Variants in CCNJL observed in about 807,000 individuals in gnomAD.
CCNJL encodes cyclin J like.
A neutral mutation model predicts 33.4 loss-of-function variants in CCNJL; 33 were observed. That is an observed-to-expected ratio of 0.99 (90% CI 0.75 to 1.32). CCNJL has a LOEUF of 1.32. CCNJL is among the 40% of genes most tolerant of loss of function. The pLI is 0.00. For synonymous variants in CCNJL, 227 were observed against 220.9 expected, an observed-to-expected ratio of 1.03 and a Z score of -0.24; for missense variants, 512 against 499.7, an observed-to-expected ratio of 1.02 and a Z score of -0.23.
At chr5:160,312,067 G>A (rs1346458901) in intron 1 of CCNJL, 95 bp from the exon 2 acceptor site, 2 of 785,764 alleles carry the variant, frequency 2.5e-6, no homozygotes, top group African/African-American at 1.7e-5. Flanking sequence ...CCGGGCCCCG[G>A]CGGGCGCCCC....
chr5:160,320,806 T>C (rs1036964415), intron 1 of CCNJL, among the ~76,000 whole-genome samples: 6 of 83,058 alleles, frequency 7.2e-5, no homozygotes, highest in Non-Finnish European at 1.6e-4. Context: ...TCTTTCTTTC[T>C]TTCTTTCTTT....
rs1383409026 is a variant in CCNJL, at chr5:160,287,911, G to C, written c.67-7173C>G. On this transcript the variant is annotated intron_variant, in intron 2 of 5. Transcript: ENST00000257536. ...CTGTAGAAGAAGGGGGCTGAGGTGG[G>C]AGGGGAGGGAAGGGCAGAGGCTTCC... Among the ~76,000 whole-genome samples, 5 of 152,150 alleles carry C rather than the reference G, an allele frequency of 3.3e-5. No homozygotes were observed. In the East Asian group the frequency reaches 9.6e-4, roughly 29 times the overall value.
chr5:160,287,403 A>T (rs1762440309), intron 2 of CCNJL, among the ~76,000 whole-genome samples: 1 of 152,214 alleles, frequency 6.6e-6, no homozygotes, highest in East Asian at 1.9e-4. Context: ...CCTCAAACCA[A>T]GTAGAATTAG....
At chr5:160,323,428 T>C (rs557184083) in intron 1 of CCNJL, among the ~76,000 whole-genome samples, 2 of 152,312 alleles carry the variant, frequency 1.3e-5, no homozygotes, top group African/African-American at 2.4e-5. Flanking sequence ...TAATATTCTA[T>C]CGTATAGGCA....
chr5:160,324,064 C>T (rs1763506317), intron 1 of CCNJL, among the ~76,000 whole-genome samples: 1 of 152,202 alleles, frequency 6.6e-6, no homozygotes. Context: ...ACTTGTCAGC[C>T]TCCATGAACA....
At chr5:160,329,047 G>T (rs1290898717) in intron 1 of CCNJL, among the ~76,000 whole-genome samples, 1 of 152,152 alleles carries the variant, frequency 6.6e-6, no homozygotes, top group East Asian at 1.9e-4. Flanking sequence ...TGCCTCACTG[G>T]AACCCATGCC....
At chr5:160,268,348 G>A (rs1761693595) in intron 3 of CCNJL, among the ~76,000 whole-genome samples, 1 of 152,260 alleles carries the variant, frequency 6.6e-6, no homozygotes, top group Non-Finnish European at 1.5e-5. Context: ...TAGCCATGTG[G>A]TCTGGGGTAA....
At position 160,249,880 on chromosome 5, in the gene CCNJL, G is replaced by C. The variant is rs528197492; in HGVS notation, c.*3498C>G. 1 of 152,012 alleles carries C rather than the reference G, an allele frequency of 6.6e-6. No individual in the cohort carries two copies. The highest frequency in any genetic ancestry group is 2.1e-4 in the South Asian group (1 of 4,810). The allele number at this position is 152,012 out of a possible 1,614,324, so 9.4% of individuals were successfully genotyped here. On this transcript the variant is annotated 3_prime_UTR_variant, in exon 6 of 6. Coordinates refer to ENST00000257536, the MANE Select transcript of CCNJL (RefSeq NM_001308173.3). ...AACTGAAATATAAAAAACAAACAAA[G>C]AAATCATATGCCTGAATGACCAAGA...
rs1309737852 is a variant in CCNJL at position 160,252,426 on chromosome 5, T to A, written c.*952A>T. On this transcript the variant is annotated 3_prime_UTR_variant, in exon 6 of 6. Transcript: ENST00000257536. ...GTATGTGGTGGAGAGAGGTGGGAAC[T>A]GTTTAAATCTTTGTCTTCCTTTCAA... is the stretch of plus-strand genomic sequence containing the variant. The A allele has an allele frequency of 6.6e-6, 1 of 152,314 alleles. No individual in the cohort carries two copies. The highest frequency in any genetic ancestry group is 1.9e-4 in the East Asian group (1 of 5,202). 9.4% of individuals were successfully genotyped at this position (152,314 alleles called of 1,614,324 possible).
intron 1 of CCNJL, among the ~76,000 whole-genome samples, chr5:160,333,773 C>A (rs1763642126): frequency 6.6e-6 from 1 of 152,054 alleles, no homozygotes; most frequent in South Asian, 2.1e-4. Flanking sequence ...TTCTCTACGC[C>A]CCCTTGCTTA....
At chr5:160,273,730 T>A (rs1761917600) in intron 3 of CCNJL, among the ~76,000 whole-genome samples, 1 of 135,526 alleles carries the variant, frequency 7.4e-6, no homozygotes, top group South Asian at 2.4e-4. Flanking sequence ...CACTGCAACC[T>A]CTGCCTCCCA....
At chr5:160,314,949 C>G (rs939196236), upstream of CCNJL, among the ~76,000 whole-genome samples, 1 of 152,102 alleles carries the variant, frequency 6.6e-6, no homozygotes, top group Non-Finnish European at 1.5e-5. Flanking sequence ...TTCTGAAAGA[C>G]AACATAAATC....
intron 1 of CCNJL, among the ~76,000 whole-genome samples, chr5:160,321,037 T>C (rs2113473009): frequency 2.6e-5 from 2 of 75,514 alleles, no homozygotes; most frequent in South Asian, 8.1e-4. Flanking sequence ...TTTCTTTCTT[T>C]CTTTCTTTCT....
rs1013815378 is a variant in CCNJL at position 160,312,510 on chromosome 5, C to G, written c.-196G>C. Reference sequence around the variant, plus strand: ...CCGCCTCCGCAGCCCGACTAGCCCCCGCCGTCGCCGCGCCCCTGCGTGCGC... The same window carrying G: ...CCGCCTCCGCAGCCCGACTAGCCCCGGCCGTCGCCGCGCCCCTGCGTGCGC... On this transcript the variant is annotated 5_prime_UTR_variant, in exon 1 of 6. Coordinates refer to ENST00000257536, the MANE Select transcript of CCNJL (RefSeq NM_001308173.3). 2.6e-5 allele frequency: 4 copies of G among 151,848 alleles called. No homozygotes were observed. The highest frequency in any genetic ancestry group is 4.4e-5 in the Non-Finnish European group (3 of 67,910). 9.4% of individuals were successfully genotyped at this position (151,848 alleles called of 1,614,324 possible).
chr5:160,313,189 T>C (rs1763331946), upstream of CCNJL, among the ~76,000 whole-genome samples: 1 of 152,202 alleles, frequency 6.6e-6, no homozygotes, highest in South Asian at 2.1e-4. Flanking sequence ...TGGAAAACAT[T>C]GTCTTTTTAA....
chr5:160,282,989 A>ATATATATATATG (rs1762280493), intron 2 of CCNJL, among the ~76,000 whole-genome samples: 1 of 58,718 alleles, frequency 1.7e-5, no homozygotes, highest in Non-Finnish European at 3.1e-5. Context: ...ATATATATAT[A>ATATATATATATG]TATATATATA....
At chr5:160,322,514 GTGTAATCATTAAGTTGTAAT>G (rs1374756075) in intron 1 of CCNJL, among the ~76,000 whole-genome samples, 1 of 152,204 alleles carries the variant, frequency 6.6e-6, no homozygotes, top group Non-Finnish European at 1.5e-5. Flanking sequence ...CAAAATTACT[GTGTAATCATTAAGTTGTAAT>G]TGTATGCATA....
intron 3 of CCNJL, among the ~76,000 whole-genome samples, chr5:160,268,833 G>A (rs956048035): frequency 2.0e-5 from 3 of 152,216 alleles, no homozygotes; most frequent in Non-Finnish European, 4.4e-5. Flanking sequence ...TGGTGTGAAG[G>A]TGGATCTGGG....
intron 3 of CCNJL, among the ~76,000 whole-genome samples, chr5:160,264,238 TTA>T (rs1472752585): frequency 6.6e-6 from 1 of 152,102 alleles, no homozygotes; most frequent in Non-Finnish European, 1.5e-5. Flanking sequence ...ATCAACATAC[TTA>T]TAAGATTAAA....
Sources: gnomAD v4.1 joint callset for allele counts (sites outside exome capture counted in the v4.1 genomes callset) on GRCh38, gnomAD v4.1.1 for gene constraint, MANE v1.5 for transcripts, NCBI Gene and HGNC (gene_info 2026-07-23, HGNC 2026-07-21) for gene names.